Variants in TICAM1 observed in about 807,000 individuals in gnomAD.
The protein encoded by TICAM1 is TIR domain containing adaptor molecule 1.
For missense variants in TICAM1, 895 were observed against 938.2 expected, an observed-to-expected ratio of 0.95 and a Z score of 0.60; for synonymous variants, 439 against 415.4, an observed-to-expected ratio of 1.06 and a Z score of -0.69.
rs765752632 is a variant in TICAM1, at chr19:4,817,274, T to TGAA, written c.1101_1103dup (p.Ser369dup). 1.3e-6 allele frequency: 2 copies of TGAA among 1,575,642 alleles called. No individual in the cohort carries two copies. The highest frequency in any genetic ancestry group is 1.1e-5 in the South Asian group (1 of 89,972). On this transcript the variant is annotated inframe_insertion, in exon 2 of 2. Transcript: ENST00000248244. This position sits in a 1 kb window ranked among gnomAD's most constrained non-coding sequence, Gnocchi z 4.7. ...TCAGGTGAGCTGAACAAGGAGTAGA[T>TGAA]GAAGGAGGAGGAGGAGGAGGAGGAG...
chr19:4,817,464 G>A lies in TICAM1; in HGVS notation c.914C>T (p.Thr305Ile). The change falls in exon 2 of 2, where the codon ACC becomes ATC. Residue 305 changes from threonine (T) to isoleucine (I), a missense_variant. By Grantham distance (89) the Thr-to-Ile change is moderately conservative. Transcript: ENST00000248244. The surrounding 1 kb of genome is among the most constrained non-coding windows in gnomAD (Gnocchi z 4.7). Reference sequence around the variant, plus strand: ...AGACTGGGGGCCTGCAGACCCCTCGGTGCACTCCACTGGGTAGTTGGTGCT... The same window carrying A: ...AGACTGGGGGCCTGCAGACCCCTCGATGCACTCCACTGGGTAGTTGGTGCT... ...ETSTNYPVEC[T>I]EGSAGPQSLP... 6.2e-7 allele frequency: 1 copy of A among 1,614,108 alleles called. No homozygotes were observed. Among genetic ancestry groups the A allele is most frequent in the Non-Finnish European group, 8.5e-7 (1 of 1,180,018 alleles).
chr19:4,829,345 GC>G (rs34098404), intron 1 of TICAM1, among the ~76,000 whole-genome samples: 99,430 of 149,724 alleles, frequency 0.66, 33,684 homozygotes, highest in African/African-American at 0.79. Flanking sequence ...CATTCTCTCT[GC>G]CCCCCCGGGC....
At chr19:4,824,011 A>T (rs147998025) in intron 1 of TICAM1, among the ~76,000 whole-genome samples, 72 of 17,890 alleles carry the variant, frequency 4.0e-3, no homozygotes, top group South Asian at 0.02. Context: ...ACTGAATTTT[A>T]ATTTTTTTTT....
At chr19:4,830,416 G>A (rs933861993) in intron 1 of TICAM1, among the ~76,000 whole-genome samples, 1 of 151,962 alleles carries the variant, frequency 6.6e-6, no homozygotes, top group African/African-American at 2.4e-5. Context: ...GTGGAGTCTC[G>A]CTATGCTGCC....
Position 4,818,445 on chromosome 19 carries a change from C to A in TICAM1, c.-68G>T. 2 of 1,493,198 alleles carry A rather than the reference C, an allele frequency of 1.3e-6. No homozygotes were observed. The highest frequency in any genetic ancestry group is 1.8e-6 in the Non-Finnish European group (2 of 1,123,166). The allele number at this position is 1,493,198 out of a possible 1,614,324, so 92.5% of individuals were successfully genotyped here. On this transcript the variant is annotated 5_prime_UTR_variant, in exon 2 of 2. Transcript: ENST00000248244. The surrounding 1 kb of genome is among the most constrained non-coding windows in gnomAD (Gnocchi z 4.0). ...GGTGAAGGCATGTTCCACACTGCCC[C>A]CCGCCTTCTGCACGCCCAGTGTCCC...
chr19:4,819,273 CA>C (rs35532977), intron 1 of TICAM1, among the ~76,000 whole-genome samples: 81,402 of 134,906 alleles, frequency 0.6, 24,037 homozygotes, highest in African/African-American at 0.79. Flanking sequence ...GACCCAGTCT[CA>C]AAAAAAAAAA....
intron 1 of TICAM1, among the ~76,000 whole-genome samples, chr19:4,823,910 C>T (rs556701641): frequency 6.6e-6 from 1 of 152,306 alleles, no homozygotes; most frequent in South Asian, 2.1e-4. Context: ...AGATCAGCCT[C>T]AACACTCTCT....
chr19:4,818,157 G>A lies in TICAM1; in HGVS notation c.221C>T (p.Ala74Val), dbSNP rs1395735409. The A allele has an allele frequency of 6.2e-7, 1 of 1,609,138 alleles. No homozygotes were observed. The highest frequency in any genetic ancestry group is 1.1e-5 in the South Asian group (1 of 91,008). ...GCTGTCCACGCCAGCCCACTGGCGG[G>A]CCACCAGCCGGGCCACCGCATCGGC... ...LKADAVARLV[A>V]RQWAGVDSTE... Residue 74 changes from alanine (A) to valine (V), a missense_variant, in exon 2 of 2, where the codon GCC becomes GTC. Transcript: ENST00000248244. The surrounding 1 kb of genome is among the most constrained non-coding windows in gnomAD (Gnocchi z 4.0).
At position 4,818,178 on chromosome 19, in the gene TICAM1, T is replaced by C; in HGVS notation, c.200A>G (p.Asp67Gly). ...ARISLEALKADAVARLVARQW... is the reference protein window; with the variant it reads ...ARISLEALKAGAVARLVARQW... ...GCGGGCCACCAGCCGGGCCACCGCA[T>C]CGGCCTTCAATGCCTCTAGAGAGAT... The change falls in exon 2 of 2, where the codon GAT becomes GGT. Residue 67 changes from aspartate (D) to glycine (G), a missense_variant. Physicochemically the swap from Asp to Gly is moderately conservative, Grantham distance 94. Transcript: ENST00000248244. This position sits in a 1 kb window ranked among gnomAD's most constrained non-coding sequence, Gnocchi z 4.0. 2 of 1,610,996 alleles carry C rather than the reference T, an allele frequency of 1.2e-6. No individual in the cohort carries two copies. Among genetic ancestry groups the C allele is most frequent in the South Asian group, 2.2e-5 (2 of 91,018 alleles).
Position 4,817,966 on chromosome 19 carries a change from C to A in TICAM1, c.412G>T (p.Asp138Tyr). 6.2e-7 allele frequency: 1 copy of A among 1,613,544 alleles called. No homozygotes were observed. Among genetic ancestry groups the A allele is most frequent in the Non-Finnish European group, 8.5e-7 (1 of 1,179,916 alleles). Residue 138 changes from aspartate to tyrosine, a missense_variant, in exon 2 of 2, where the codon GAT (aspartate) becomes TAT (tyrosine). Asp to Tyr is a radical substitution (Grantham distance 160). Transcript: ENST00000248244. This position sits in a 1 kb window ranked among gnomAD's most constrained non-coding sequence, Gnocchi z 4.7. ...CACCCACACCGGTTTCGGGCCTCAT[C>A]CTGAAGTTCCCCCAGCCGGTGGTCG... ...RDDHRLGELQDEARNRCGWDI... is the reference protein window; with the variant it reads ...RDDHRLGELQYEARNRCGWDI...
chr19:4,824,447 G>A (rs2093602681), intron 1 of TICAM1, among the ~76,000 whole-genome samples: 1 of 148,394 alleles, frequency 6.7e-6, no homozygotes, highest in Non-Finnish European at 1.5e-5. Context: ...AGATTCTCCT[G>A]CCTCAGCCTC....
At position 4,831,591 on chromosome 19, in the gene TICAM1, G is replaced by C. The variant is rs561534933; in HGVS notation, c.-140+23C>G. On this transcript the variant is annotated intron_variant, in intron 1 of 1. Coordinates refer to ENST00000248244, the MANE Select transcript of TICAM1 (RefSeq NM_182919.4). ...CCGACACCTTCTCCACCTCAGGCCC[G>C]TCCTCGCCCCTTCCCCACCTACCAG... 3.9e-5 allele frequency: 6 copies of C among 152,592 alleles called. No individual in the cohort carries two copies. The East Asian group carries it at 1.2e-3, about 29-fold the overall frequency. The allele number at this position is 152,592 out of a possible 1,614,324, so 9.5% of individuals were successfully genotyped here. A position where few individuals can be genotyped will look rare whatever the true frequency, so the allele number is the denominator to read the frequency against.
Position 4,816,208 on chromosome 19 carries a change from G to T in TICAM1, c.*31C>A. Reference sequence around the variant, plus strand: ...CTGGCCGATGCCTGGGTCCAGGGGTGTTCCCCAGGTGGTCAGGCAAGGACA... The same window carrying T: ...CTGGCCGATGCCTGGGTCCAGGGGTTTTCCCCAGGTGGTCAGGCAAGGACA... On this transcript the variant is annotated 3_prime_UTR_variant, in exon 2 of 2. Coordinates refer to ENST00000248244, the MANE Select transcript of TICAM1 (RefSeq NM_182919.4). This position sits in a 1 kb window ranked among gnomAD's most constrained non-coding sequence, Gnocchi z 4.3. The T allele has an allele frequency of 6.7e-7, 1 of 1,491,692 alleles. No homozygotes were observed. 92.4% of individuals were successfully genotyped at this position (1,491,692 alleles called of 1,614,324 possible). A position where few individuals can be genotyped will look rare whatever the true frequency, so the allele number is the denominator to read the frequency against.
At chr19:4,826,605 G>A (rs921868808) in intron 1 of TICAM1, among the ~76,000 whole-genome samples, 2 of 152,134 alleles carry the variant, frequency 1.3e-5, no homozygotes, top group Admixed American at 1.3e-4. Context: ...GATTACAGGC[G>A]TGAGCCACTG....
rs2093592790 is a variant in TICAM1, at chr19:4,818,977, G to A, written c.-139-461C>T. ...ATACAAAGAATTAGCCAGGAGTGGT[G>A]GTGCATTCTTGTAATCCCAGCTACT... On this transcript the variant is annotated intron_variant, in intron 1 of 1. Transcript: ENST00000248244. The surrounding 1 kb of genome is among the most constrained non-coding windows in gnomAD (Gnocchi z 4.0). 6.6e-6 allele frequency among the ~76,000 whole-genome samples: 1 copy of A among 152,086 alleles called. No individual in the cohort carries two copies. Among genetic ancestry groups the A allele is most frequent in the African/African-American group, 2.4e-5 (1 of 41,424 alleles).
chr19:4,816,772 G>A lies in TICAM1; in HGVS notation c.1606C>T (p.Arg536Ter). 1.9e-6 allele frequency: 3 copies of A among 1,613,452 alleles called. No individual in the cohort carries two copies. The highest frequency in any genetic ancestry group is 2.5e-6 in the Non-Finnish European group (3 of 1,180,018). Residue 536 changes from arginine to a stop codon, truncating the protein, a stop_gained, in exon 2 of 2, where the codon CGA (arginine) becomes TGA (stop). Transcript: ENST00000248244. LOFTEE classifies it low-confidence loss of function (END_TRUNC). The surrounding 1 kb of genome is among the most constrained non-coding windows in gnomAD (Gnocchi z 4.3). ...NTFKPHRLQA[R>*]KAMWRKEQDT... ...TGTTCCTTCCTCCACATGGCCTTTC[G>A]GGCCTGAAGCCTGTGGGGCTTGAAG... is the stretch of plus-strand genomic sequence containing the variant.
intron 1 of TICAM1, among the ~76,000 whole-genome samples, chr19:4,829,805 C>CTTTTTTTTTTTTT (rs539314470): frequency 2.3e-5 from 2 of 87,646 alleles, no homozygotes; most frequent in Non-Finnish European, 2.1e-5. Context: ...AATTTCATTT[C>CTTTTTTTTTTTTT]TTTTTTTTTT....
At position 4,818,445 on chromosome 19, in the gene TICAM1, C is replaced by G. The variant is rs2093591796; in HGVS notation, c.-68G>C. 6.7e-7 allele frequency: 1 copy of G among 1,493,080 alleles called. No individual in the cohort carries two copies. Among genetic ancestry groups the G allele is most frequent in the South Asian group, 1.4e-5 (1 of 72,170 alleles). 92.5% of individuals were successfully genotyped at this position (1,493,080 alleles called of 1,614,324 possible). A position where few individuals can be genotyped will look rare whatever the true frequency, so the allele number is the denominator to read the frequency against. On this transcript the variant is annotated 5_prime_UTR_variant, in exon 2 of 2. Transcript: ENST00000248244. The surrounding 1 kb of genome is among the most constrained non-coding windows in gnomAD (Gnocchi z 4.0). ...GGTGAAGGCATGTTCCACACTGCCC[C>G]CCGCCTTCTGCACGCCCAGTGTCCC...
At chr19:4,821,387 T>TAC (rs2093597228) in intron 1 of TICAM1, among the ~76,000 whole-genome samples, 1 of 151,930 alleles carries the variant, frequency 6.6e-6, no homozygotes, top group Non-Finnish European at 1.5e-5. Context: ...CATGTGTGGA[T>TAC]ACACACACAC....
Sources: gnomAD v4.1 joint callset for allele counts (sites outside exome capture counted in the v4.1 genomes callset) on GRCh38, gnomAD v4.1.1 for gene constraint, Gnocchi (gnomAD v3.1) non-coding constraint, MANE v1.5 for transcripts, NCBI Gene and HGNC (gene_info 2026-07-23, HGNC 2026-07-21) for gene names.